TLN2: variants seen among roughly 807,000 people sequenced by gnomAD.
TLN2 encodes talin 2.
TLN2 carries 118 observed loss-of-function variants against 294.7 expected under a neutral mutation model. That is an observed-to-expected ratio of 0.40 (90% confidence interval 0.34 to 0.47). The LOEUF is 0.47. TLN2 is among the 20% of genes least tolerant of loss of function. The pLI is 0.84. For missense variants in TLN2, 3,083 were observed against 3,282.2 expected (o/e 0.94, Z 1.48); for synonymous variants, 1,431 against 1,304.5 (o/e 1.10, Z -2.09).
intron 1 of TLN2, among the ~76,000 whole-genome samples, chr15:62,530,594 A>G (rs1418200557): frequency 1.3e-5 from 2 of 151,944 alleles, no homozygotes; most frequent in South Asian, 2.1e-4. Context: ...GGAGCTCATG[A>G]TCTGCCTGCC....
In TLN2 at chr15:62,513,090, G is replaced by A. The variant is rs118071096; in HGVS notation, c.-237-76597G>A. Among the ~76,000 whole-genome samples the A allele has an allele frequency of 4.3e-4, 65 of 152,220 alleles. No individual in the cohort carries two copies. The East Asian group carries it at 0.011, about 27-fold the overall frequency. ...GCATCCAAGTGGCAGCTGCTACATAGGCATTCCCAAGTTCTCCACTTTGCT... is the reference window on the plus strand; with the variant it reads ...GCATCCAAGTGGCAGCTGCTACATAAGCATTCCCAAGTTCTCCACTTTGCT... On this transcript the variant is annotated intron_variant, in intron 1 of 58. Transcript: ENST00000636159.
rs141966483 is a variant in TLN2, at chr15:62,693,205, G to A, written c.1215+264G>A. Among the ~76,000 whole-genome samples, 1,384 of 152,206 alleles carry A rather than the reference G, an allele frequency of 9.1e-3. 23 individuals are homozygous for A. Among genetic ancestry groups the A allele is most frequent in the African/African-American group, 0.031 (1,300 of 41,508 alleles). On this transcript the variant is annotated intron_variant, in intron 13 of 58. Transcript: ENST00000636159. Reference sequence around the variant, plus strand: ...AAGTTAGCCGGGCGTGGTGGCAGGCGCCTGTAGTCCCAGTTACTCGGGAGG... The same window carrying A: ...AAGTTAGCCGGGCGTGGTGGCAGGCACCTGTAGTCCCAGTTACTCGGGAGG...
chr15:62,408,247 A>G (rs1360387815), intron 1 of TLN2, among the ~76,000 whole-genome samples: 3 of 152,232 alleles, frequency 2.0e-5, no homozygotes, highest in Non-Finnish European at 2.9e-5. Context: ...CAAGAAAAAA[A>G]TGTGATTATT....
chr15:62,770,825 G>A (rs2063308880), intron 41 of TLN2, 139 bp from the exon 42 acceptor site: 1 of 990,724 alleles, frequency 1.0e-6, no homozygotes. Flanking sequence ...AGCACTTTCA[G>A]CAGTAAATTG....
At chr15:62,633,081 T>A (rs1310810811) in intron 3 of TLN2, among the ~76,000 whole-genome samples, 1 of 152,202 alleles carries the variant, frequency 6.6e-6, no homozygotes, top group Non-Finnish European at 1.5e-5. Flanking sequence ...ATCAATCATA[T>A]CCTATTCTCA....
intron 1 of TLN2, among the ~76,000 whole-genome samples, chr15:62,522,941 TAC>T (rs71129007): frequency 0.14 from 18,450 of 132,852 alleles, 1,157 homozygotes; most frequent in Middle Eastern, 0.2. Context: ...GAATGTGGCT[TAC>T]ACACACACAC....
At chr15:62,664,878 A>AAAAAAAAAAAAAAAT (rs2054391831) in intron 9 of TLN2, among the ~76,000 whole-genome samples, 6 of 145,978 alleles carry the variant, frequency 4.1e-5, no homozygotes, top group Admixed American at 6.9e-5. Context: ...AAAAAAAAAA[A>AAAAAAAAAAAAAAAT]GTGGCTACCT....
intron 1 of TLN2, among the ~76,000 whole-genome samples, chr15:62,509,125 G>A (rs1282653822): frequency 6.6e-6 from 1 of 152,192 alleles, no homozygotes; most frequent in Non-Finnish European, 1.5e-5. Flanking sequence ...AAGATGGTCT[G>A]GCTCTAGGAT....
At chr15:62,818,246 C>A (rs2067271693) in intron 52 of TLN2, among the ~76,000 whole-genome samples, 1 of 152,198 alleles carries the variant, frequency 6.6e-6, no homozygotes, top group Non-Finnish European at 1.5e-5. Flanking sequence ...GATGCTTTGT[C>A]CCCTACTCAG....
At chr15:62,783,719 CTCTGTGTGTGTG>C in intron 44 of TLN2, 40 bp from the exon 45 acceptor site, 1 of 1,458,218 alleles carries the variant, frequency 6.9e-7, no homozygotes, top group South Asian at 1.3e-5. Context: ...ATGCGTTTCT[CTCTGTGTGTGTG>C]TGTGTGTGTG....
intron 20 of TLN2, among the ~76,000 whole-genome samples, chr15:62,707,764 A>T (rs543304740): frequency 6.6e-6 from 1 of 152,182 alleles, no homozygotes; most frequent in Non-Finnish European, 1.5e-5. Flanking sequence ...GAGGAATCTG[A>T]GGCCCTTAGA....
chr15:62,708,810 C>T lies in TLN2; in HGVS notation c.2467+14C>T, dbSNP rs777178148. 2 of 1,590,140 alleles carry T rather than the reference C, an allele frequency of 1.3e-6. No individual in the cohort carries two copies. The highest frequency in any genetic ancestry group is 1.7e-6 in the Non-Finnish European group (2 of 1,172,648). On this transcript the variant is annotated intron_variant, in intron 21 of 58. Transcript: ENST00000636159. ...TGGGTGACGCTGGTAAGGCACTGTG[C>T]TGTGGGTGGGTGGATGGGTGGCTTT...
intron 1 of TLN2, among the ~76,000 whole-genome samples, chr15:62,490,791 T>C (rs1300617237): frequency 6.6e-6 from 1 of 152,178 alleles, no homozygotes; most frequent in Non-Finnish European, 1.5e-5. Flanking sequence ...AATGTGCTAG[T>C]GCTAGAAATG....
intron 1 of TLN2, among the ~76,000 whole-genome samples, chr15:62,424,476 C>T (rs2034589280): frequency 6.6e-6 from 1 of 152,134 alleles, no homozygotes; most frequent in Non-Finnish European, 1.5e-5. Context: ...CTGTACTTGT[C>T]TGTGTACACG....
intron 10 of TLN2, among the ~76,000 whole-genome samples, chr15:62,674,532 G>T (rs763530765): frequency 7.1e-6 from 1 of 141,664 alleles, no homozygotes; most frequent in Admixed American, 7.4e-5. Flanking sequence ...TTTTGAGACA[G>T]AGCCAAGACG....
intron 19 of TLN2, 105 bp from the exon 20 acceptor site, chr15:62,706,981 T>C: frequency 7.4e-7 from 1 of 1,349,210 alleles, no homozygotes; most frequent in Non-Finnish European, 9.9e-7. Flanking sequence ...ACTTCTAAAG[T>C]ACTGAAGGAA....
intron 1 of TLN2, among the ~76,000 whole-genome samples, chr15:62,444,760 C>T (rs2035733255): frequency 6.6e-6 from 1 of 152,128 alleles, no homozygotes; most frequent in African/African-American, 2.4e-5. Flanking sequence ...ACTGTTTTTC[C>T]CATGTATGTA....
At chr15:62,691,052 GGGGGA>G (rs1332885695) in intron 12 of TLN2, among the ~76,000 whole-genome samples, 9 of 144,730 alleles carry the variant, frequency 6.2e-5, no homozygotes, top group African/African-American at 2.3e-4. Flanking sequence ...GAGAGGGGGA[GGGGGA>G]GGGGAGGGGG....
chr15:62,476,432 T>G (rs995912453), intron 1 of TLN2: 1 of 152,224 alleles, frequency 6.6e-6, no homozygotes, highest in Non-Finnish European at 1.5e-5. Context: ...AATCTTCATT[T>G]CTACTTCGCA....
Sources: allele counts gnomAD v4.1 joint callset (sites outside exome capture counted in the v4.1 genomes callset), GRCh38; gene constraint gnomAD v4.1.1; transcripts MANE v1.5; gene names NCBI Gene and HGNC (gene_info 2026-07-23, HGNC 2026-07-21).